HABP2: variants seen among roughly 807,000 people sequenced by gnomAD.
HABP2 encodes factor VII-activating protease.
Under a neutral mutation model 66.5 loss-of-function variants are expected in HABP2, and 65 were observed. The ratio of observed to expected loss-of-function variants is 0.98; its 90% CI spans 0.80 to 1.20. HABP2 has a LOEUF of 1.20. HABP2 is among the 50% of genes most tolerant of loss of function. The pLI, the probability that HABP2 is intolerant of heterozygous loss-of-function variation, is 0.00. For synonymous variants in HABP2, 263 were observed against 253.9 expected, an observed-to-expected ratio of 1.04 and a Z score of -0.34; for missense variants, 786 against 691.0, an observed-to-expected ratio of 1.14 and a Z score of -1.54.
At chr10:113,563,171 C>T (rs1845131297) in intron 1 of HABP2, among the ~76,000 whole-genome samples, 1 of 152,182 alleles carries the variant, frequency 6.6e-6, no homozygotes, top group South Asian at 2.1e-4. Context: ...CCCTAGTTAT[C>T]TCTTCCTCCT....
intron 2 of HABP2, chr10:113,572,764 G>T: frequency 2.3e-6 from 1 of 444,334 alleles, no homozygotes; most frequent in South Asian, 1.6e-5. Flanking sequence ...TCATAGTGGG[G>T]AAAAGCACTT....
chr10:113,567,961 C>T (rs1366243835), intron 2 of HABP2, among the ~76,000 whole-genome samples: 1 of 152,220 alleles, frequency 6.6e-6, no homozygotes, highest in Non-Finnish European at 1.5e-5. Context: ...CTGACCTGCC[C>T]TGGTGATACC....
In HABP2 at chr10:113,584,268, G is replaced by T. The variant is rs762139532; in HGVS notation, c.1358G>T (p.Gly453Val). Reference sequence around the variant, plus strand: ...AGTGAGTGCCACATCTCTGGCTGGGGTGTTACAGAAACAGGTGAGTCGGCC... The same window carrying T: ...AGTGAGTGCCACATCTCTGGCTGGGTTGTTACAGAAACAGGTGAGTCGGCC... The part of the protein sequence containing the change: ...SGSECHISGW[G>V]VTETGKGSRQ... The change falls in exon 11 of 13, where the codon GGT (glycine) becomes GTT (valine). Residue 453 changes from glycine to valine, a missense_variant. Physicochemically the swap from Gly to Val is moderately radical, Grantham distance 109 (BLOSUM62 -3). Coordinates refer to ENST00000351270, the MANE Select transcript of HABP2 (RefSeq NM_004132.5). 1.9e-6 allele frequency: 3 copies of T among 1,613,956 alleles called. No homozygotes were observed. The highest frequency in any genetic ancestry group is 3.3e-5 in the Admixed American group (2 of 60,012).
chr10:113,569,271 C>G (rs778352918), intron 2 of HABP2, among the ~76,000 whole-genome samples: 1 of 152,202 alleles, frequency 6.6e-6, no homozygotes, highest in Non-Finnish European at 1.5e-5. Context: ...GACCCTGAAG[C>G]AGACTTCTCC....
chr10:113,568,180 C>T (rs1285997089), intron 2 of HABP2, among the ~76,000 whole-genome samples: 2 of 152,242 alleles, frequency 1.3e-5, no homozygotes. Context: ...ACATCATGCA[C>T]TCCTAGTCCT....
At position 113,578,203 on chromosome 10, in the gene HABP2, C is replaced by G; in HGVS notation, c.568+58C>G. On this transcript the variant is annotated intron_variant, in intron 6 of 12. Coordinates refer to ENST00000351270, the MANE Select transcript of HABP2 (RefSeq NM_004132.5). ...TGAGGCCTCTGGAACCCTTTCCTCT[C>G]TGGGTTTTGTTGCCAGAATGTGGTT... 1.9e-6 allele frequency: 3 copies of G among 1,580,790 alleles called. No homozygotes were observed. In the South Asian group the frequency reaches 3.4e-5, roughly 18 times the overall value.
intron 9 of HABP2, among the ~76,000 whole-genome samples, chr10:113,582,842 C>T (rs1009725071): frequency 6.6e-6 from 1 of 152,144 alleles, no homozygotes; most frequent in Non-Finnish European, 1.5e-5. Context: ...TCCAGTTCAC[C>T]TTATAGTAAA....
intron 1 of HABP2, among the ~76,000 whole-genome samples, chr10:113,554,955 G>A (rs1052905344): frequency 1.1e-4 from 16 of 152,302 alleles, no homozygotes; most frequent in African/African-American, 3.1e-4. Flanking sequence ...ACAGGTGGTC[G>A]GGAAGGCGGC....
intron 7 of HABP2, among the ~76,000 whole-genome samples, chr10:113,579,806 G>C (rs1235193144): frequency 6.7e-6 from 1 of 149,022 alleles, no homozygotes; most frequent in Admixed American, 6.7e-5. Context: ...TTTTTGAGAT[G>C]GAGTCTCACT....
chr10:113,556,697 G>A (rs1408724695), intron 1 of HABP2, among the ~76,000 whole-genome samples: 4 of 149,274 alleles, frequency 2.7e-5, no homozygotes, highest in Admixed American at 6.7e-5. Flanking sequence ...CTTGGCAACA[G>A]AGCAAGACTC....
rs200565889 is a variant in HABP2, at chr10:113,580,692, G to T, written c.838G>T (p.Asp280Tyr). 16 of 1,518,732 alleles carry T rather than the reference G, an allele frequency of 1.1e-5. No individual in the cohort carries two copies. The highest frequency in any genetic ancestry group is 1.0e-4 in the Admixed American group (6 of 59,844). The allele number at this position is 1,518,732 out of a possible 1,614,324, so 94.1% of individuals were successfully genotyped here. ...TGATGTCTCAGCCTGCTCAGCCCAG[G>T]GTAAAGGCCATGGCTGTTCAGAAGC... ...YCDVSACSAQ[D>Y]VAYPEESPTE... The change falls in exon 8 of 13, where the codon GAC becomes TAC. Residue 280 changes from aspartate to tyrosine, a missense_variant and splice_region_variant. Transcript: ENST00000351270.
intron 1 of HABP2, among the ~76,000 whole-genome samples, chr10:113,565,405 G>A (rs1845179888): frequency 1.3e-5 from 2 of 152,168 alleles, no homozygotes; most frequent in South Asian, 4.1e-4. Flanking sequence ...TTTTGGCAAG[G>A]GCCTCAAGCT....
chr10:113,556,804 C>CTT (rs66685949), intron 1 of HABP2, among the ~76,000 whole-genome samples: 109 of 105,112 alleles, frequency 1.0e-3, no homozygotes, highest in African/African-American at 2.8e-3. Context: ...TTCTTTTATT[C>CTT]TTTTTTTTTT....
chr10:113,557,776 C>T (rs1050866676), intron 1 of HABP2, among the ~76,000 whole-genome samples: 1 of 152,220 alleles, frequency 6.6e-6, no homozygotes, highest in Non-Finnish European at 1.5e-5. Context: ...TTAATAGTAG[C>T]AGCAACCACG....
intron 1 of HABP2, among the ~76,000 whole-genome samples, chr10:113,561,957 C>T (rs1382939932): frequency 1.3e-5 from 2 of 152,204 alleles, no homozygotes; most frequent in Admixed American, 1.3e-4. Context: ...TTCTCCCTGC[C>T]TTCCTCACTA....
intron 10 of HABP2, among the ~76,000 whole-genome samples, chr10:113,583,845 A>T (rs1845586070): frequency 1.3e-5 from 2 of 152,046 alleles, no homozygotes; most frequent in Non-Finnish European, 2.9e-5. Flanking sequence ...TTTTCATGAG[A>T]CACCCCCCCA....
At position 113,582,069 on chromosome 10, in the gene HABP2, C is replaced by T. The variant is rs770013267; in HGVS notation, c.1032C>T (p.Gly344=). ...SLPLTISMPQ[G]HFCGGALIHP... ...CTCTGACCATCTCCATGCCCCAGGG[C>T]CACTTCTGTGGTGGGGCGCTGATCC... Residue 344 remains glycine (G), a synonymous_variant, in exon 9 of 13, where the codon GGC becomes GGT. Coordinates refer to ENST00000351270, the MANE Select transcript of HABP2 (RefSeq NM_004132.5). 1 of 1,613,116 alleles carries T rather than the reference C, an allele frequency of 6.2e-7. No homozygotes were observed. The highest frequency in any genetic ancestry group is 8.5e-7 in the Non-Finnish European group (1 of 1,179,932).
At position 113,553,067 on chromosome 10, in the gene HABP2, T is replaced by C; in HGVS notation, c.-55T>C. 1 of 1,358,762 alleles carries C rather than the reference T, an allele frequency of 7.4e-7. No homozygotes were observed. The highest frequency in any genetic ancestry group is 1.7e-5 in the Admixed American group (1 of 59,414). The allele number at this position is 1,358,762 out of a possible 1,614,324, so 84.2% of individuals were successfully genotyped here. ...CTGACATTTTTCCCCCCTAAAGGCA[T>C]AGACAACAAAAGAAATTTTATTGAG... On this transcript the variant is annotated 5_prime_UTR_variant, in exon 1 of 13. Transcript: ENST00000351270.
intron 7 of HABP2, among the ~76,000 whole-genome samples, chr10:113,580,212 A>G (rs1247988370): frequency 1.3e-5 from 2 of 151,950 alleles, no homozygotes; most frequent in Non-Finnish European, 2.9e-5. Flanking sequence ...GAGGATTCCC[A>G]TGCATAGAAT....
Sources: gnomAD v4.1 joint callset for allele counts (sites outside exome capture counted in the v4.1 genomes callset) on GRCh38, gnomAD v4.1.1 for gene constraint, MANE v1.5 for transcripts, NCBI Gene and HGNC (gene_info 2026-07-23, HGNC 2026-07-21) for gene names.